Variants in CAMTA1 observed in about 807,000 individuals in gnomAD.
The protein encoded by CAMTA1 is calmodulin-binding transcription activator 1.
CAMTA1 carries 27 observed loss-of-function variants against 170.9 expected under a neutral mutation model. That is an observed-to-expected ratio of 0.16 (90% CI 0.12 to 0.22). CAMTA1 has a LOEUF of 0.22. CAMTA1 is among the 10% of genes least tolerant of loss of function. The pLI is 1.00. For missense variants in CAMTA1, 1,619 were observed against 2,217.2 expected (o/e 0.73, Z 5.42); for synonymous variants, 833 against 891.5 (o/e 0.93, Z 1.17).
rs115612030 is a variant in CAMTA1 at position 7,753,058 on chromosome 1, G to A, written c.4958+525G>A. ...TATTATTAAACTATCAATTAAAGCC[G>A]GTCCGTGATGAGGAACAGGAGAGAT... On this transcript the variant is annotated intron_variant, in intron 21 of 22. Coordinates refer to ENST00000303635, the MANE Select transcript of CAMTA1 (RefSeq NM_015215.4). Among the ~76,000 whole-genome samples the A allele has an allele frequency of 6.7e-3, 1,020 of 152,222 alleles. 10 individuals are homozygous for A. Among genetic ancestry groups the A allele is most frequent in the African/African-American group, 0.024 (985 of 41,528 alleles).
intron 3 of CAMTA1, among the ~76,000 whole-genome samples, chr1:6,938,930 C>T (rs1452595452): frequency 6.6e-6 from 1 of 152,236 alleles, no homozygotes; most frequent in Non-Finnish European, 1.5e-5. Context: ...CTGTTTACAT[C>T]AGTTCCCAAG....
At chr1:7,718,554 CTT>C (rs34752156) in intron 11 of CAMTA1, among the ~76,000 whole-genome samples, 257 of 123,520 alleles carry the variant, frequency 2.1e-3, no homozygotes, top group African/African-American at 6.9e-3. Context: ...CATTACAGCA[CTT>C]TTTTTTTTTT....
At chr1:7,731,063 G>A (rs530740705) in intron 11 of CAMTA1, among the ~76,000 whole-genome samples, 1 of 152,220 alleles carries the variant, frequency 6.6e-6, no homozygotes, top group South Asian at 2.1e-4. Flanking sequence ...ATGGATAGGT[G>A]ACCCAATTCT....
At chr1:6,984,826 A>G (rs1331082916) in intron 3 of CAMTA1, among the ~76,000 whole-genome samples, 1 of 152,288 alleles carries the variant, frequency 6.6e-6, no homozygotes, top group Non-Finnish European at 1.5e-5. Context: ...CAGGTCAGCT[A>G]CCTGAAGAGG....
At chr1:7,356,120 G>A (rs565730890) in intron 5 of CAMTA1, among the ~76,000 whole-genome samples, 1 of 152,224 alleles carries the variant, frequency 6.6e-6, no homozygotes, top group African/African-American at 2.4e-5. Flanking sequence ...TTGGGAGGGA[G>A]GCATGGAAGC....
chr1:7,337,218 G>A (rs76328057), intron 5 of CAMTA1, among the ~76,000 whole-genome samples: 2,829 of 152,236 alleles, frequency 0.019, 80 homozygotes, highest in African/African-American at 0.063. Context: ...TGAGGGGGAC[G>A]GGGACTAAGG....
At chr1:7,355,650 A>G (rs2085054003) in intron 5 of CAMTA1, among the ~76,000 whole-genome samples, 1 of 152,228 alleles carries the variant, frequency 6.6e-6, no homozygotes, top group South Asian at 2.1e-4. Flanking sequence ...AAATACATGT[A>G]TCAGGTCTTA....
chr1:7,332,993 TG>T (rs2083128097), intron 5 of CAMTA1, among the ~76,000 whole-genome samples: 1 of 152,192 alleles, frequency 6.6e-6, no homozygotes, highest in Non-Finnish European at 1.5e-5. Context: ...GGAGAGTTGG[TG>T]GAAGAAGTTG....
At chr1:7,387,644 C>T (rs556396765) in intron 5 of CAMTA1, among the ~76,000 whole-genome samples, 1 of 152,236 alleles carries the variant, frequency 6.6e-6, no homozygotes, top group East Asian at 1.9e-4. Flanking sequence ...TCAACTAACA[C>T]ACACAGAGAA....
chr1:7,420,863 C>G (rs2091517244), intron 5 of CAMTA1, among the ~76,000 whole-genome samples: 1 of 152,172 alleles, frequency 6.6e-6, no homozygotes, highest in Non-Finnish European at 1.5e-5. Flanking sequence ...ACGTTCCCAG[C>G]CACAGGTGCT....
At position 7,594,653 on chromosome 1, in the gene CAMTA1, G is replaced by T. The variant is rs1282240959; in HGVS notation, c.511-45747G>T. The stretch of plus-strand genomic sequence containing the variant: ...TGGTGACTGCACCAGGGCAGAGCAG[G>T]GTGGGGAGAGGAGGACAGAGGTCTG... On this transcript the variant is annotated intron_variant, in intron 6 of 22. Transcript: ENST00000303635. 3.3e-5 allele frequency among the ~76,000 whole-genome samples: 5 copies of T among 152,236 alleles called. No homozygotes were observed. The East Asian group carries it at 9.6e-4, about 29-fold the overall frequency.
chr1:7,049,412 A>T (rs1410055970), intron 3 of CAMTA1, among the ~76,000 whole-genome samples: 1 of 152,176 alleles, frequency 6.6e-6, no homozygotes, highest in Non-Finnish European at 1.5e-5. Context: ...ATATTGTTGC[A>T]TTCCATCTTC....
chr1:7,442,654 G>C (rs1209020704), intron 5 of CAMTA1, among the ~76,000 whole-genome samples: 1 of 152,168 alleles, frequency 6.6e-6, no homozygotes, highest in East Asian at 1.9e-4. Context: ...CGCGTGACTT[G>C]GCTGAGGTTC....
At chr1:7,320,065 A>G (rs1678145098) in intron 5 of CAMTA1, among the ~76,000 whole-genome samples, 1 of 152,184 alleles carries the variant, frequency 6.6e-6, no homozygotes, top group African/African-American at 2.4e-5. Context: ...AGTTTTATTC[A>G]GTCCTTTCTG....
intron 1 of CAMTA1, among the ~76,000 whole-genome samples, chr1:6,787,897 T>G (rs570690909): frequency 6.6e-6 from 1 of 152,262 alleles, no homozygotes; most frequent in Admixed American, 6.5e-5. Flanking sequence ...TTTCGTGTGT[T>G]TGGACAAACG....
At position 7,067,776 on chromosome 1, in the gene CAMTA1, A is replaced by C. The variant is rs947408428; in HGVS notation, c.235-23528A>C. 1.3e-5 allele frequency among the ~76,000 whole-genome samples: 2 copies of C among 152,110 alleles called. No homozygotes were observed. Among genetic ancestry groups the C allele is most frequent in the Non-Finnish European group, 2.9e-5 (2 of 68,006 alleles). On this transcript the variant is annotated intron_variant, in intron 3 of 22. Transcript: ENST00000303635. This position sits in a 1 kb window ranked among gnomAD's most constrained non-coding sequence, Gnocchi z 4.3. ...GGTGTCAGTGGCCAAATTCTTGGGG[A>C]GATGCCAGGGCCCTCTCCAGTCCCA...
intron 3 of CAMTA1, among the ~76,000 whole-genome samples, chr1:7,048,830 G>A (rs1345713479): frequency 6.6e-6 from 1 of 152,208 alleles, no homozygotes; most frequent in African/African-American, 2.4e-5. Flanking sequence ...ATGACCACTT[G>A]AAGCAGAGCT....
At chr1:6,935,445 T>C (rs1279133198) in intron 3 of CAMTA1, among the ~76,000 whole-genome samples, 2 of 152,122 alleles carry the variant, frequency 1.3e-5, no homozygotes, top group Non-Finnish European at 2.9e-5. Flanking sequence ...ATGCCACATC[T>C]CTGTCTGCTC....
At chr1:7,730,129 C>T (rs1558237714) in intron 11 of CAMTA1, among the ~76,000 whole-genome samples, 1 of 152,232 alleles carries the variant, frequency 6.6e-6, no homozygotes, top group Non-Finnish European at 1.5e-5. Flanking sequence ...CATAGATTAA[C>T]AGCCCTCTGA....
Sources: allele counts gnomAD v4.1 joint callset (sites outside exome capture counted in the v4.1 genomes callset), GRCh38; gene constraint gnomAD v4.1.1; non-coding constraint Gnocchi (gnomAD v3.1); transcripts MANE v1.5; gene names NCBI Gene and HGNC (gene_info 2026-07-23, HGNC 2026-07-21).